Variants in LARGE1 observed in about 807,000 individuals in gnomAD.
The protein encoded by LARGE1 is xylosyl- and glucuronyltransferase LARGE1.
A neutral mutation model predicts 87.6 loss-of-function variants in LARGE1; 43 were observed. The ratio of observed to expected loss-of-function variants is 0.49; its 90% confidence interval spans 0.38 to 0.63. The LOEUF (loss-of-function observed/expected upper bound fraction) is 0.63. LARGE1 is among the 30% of genes least tolerant of loss of function. LARGE1 has a pLI of 0.00. For missense variants in LARGE1, 802 were observed against 1,000.2 expected, an observed-to-expected ratio of 0.80 and a Z score of 2.67; for synonymous variants, 434 against 394.6, an observed-to-expected ratio of 1.10 and a Z score of -1.18.
At chr22:33,328,419 A>G (rs1337180161) in intron 10 of LARGE1, among the ~76,000 whole-genome samples, 5 of 152,018 alleles carry the variant, frequency 3.3e-5, no homozygotes, top group Non-Finnish European at 7.4e-5. Flanking sequence ...AGCTCTATTA[A>G]AAATACAAAA....
At chr22:33,285,490 G>A (rs1475135582) in intron 12 of LARGE1, among the ~76,000 whole-genome samples, 1 of 152,052 alleles carries the variant, frequency 6.6e-6, no homozygotes, top group East Asian at 1.9e-4. Context: ...CGGGCGTGGT[G>A]GGGGGTGCTG....
At chr22:33,617,214 C>T (rs1229435482) in intron 4 of LARGE1, among the ~76,000 whole-genome samples, 2 of 152,206 alleles carry the variant, frequency 1.3e-5, no homozygotes, top group African/African-American at 4.8e-5. Flanking sequence ...GAAAGAACAT[C>T]CTATACTCAA....
intron 4 of LARGE1, among the ~76,000 whole-genome samples, chr22:33,614,869 C>A (rs564120740): frequency 6.6e-6 from 1 of 152,090 alleles, no homozygotes; most frequent in African/African-American, 2.4e-5. Flanking sequence ...ACAACCCCAG[C>A]GCTTAGAGAG....
At position 33,653,224 on chromosome 22, in the gene LARGE1, C is replaced by T. The variant is rs180672686; in HGVS notation, c.107-2556G>A. On this transcript the variant is annotated intron_variant, in intron 2 of 14. Transcript: ENST00000397394. ...GCTAGGTGGTTCATGCTGATAATGC[C>T]TTAGGTTGCTATCAGTACAATTAAG... Among the ~76,000 whole-genome samples the T allele has an allele frequency of 7.2e-5, 11 of 152,268 alleles. No individual in the cohort carries two copies. In the East Asian group the frequency reaches 2.1e-3, roughly 29 times the overall value.
At chr22:33,166,693 A>T in exon 12 of LARGE1, 1 of 468,680 alleles carries the variant, frequency 2.1e-6, no homozygotes, top group Non-Finnish European at 4.4e-6. Context: ...CCGTTCCAAC[A>T]TGCTGTAAAA....
At chr22:33,773,188 T>C (rs1306477119) in intron 1 of LARGE1, among the ~76,000 whole-genome samples, 1 of 152,206 alleles carries the variant, frequency 6.6e-6, no homozygotes, top group Non-Finnish European at 1.5e-5. Flanking sequence ...AGCATCTCTG[T>C]GGAATTTCCT....
intron 6 of LARGE1, among the ~76,000 whole-genome samples, chr22:33,470,984 T>C (rs953690884): frequency 3.3e-5 from 5 of 151,954 alleles, no homozygotes; most frequent in Admixed American, 6.6e-5. Flanking sequence ...AAATGACTTA[T>C]AAACGTTGTA....
intron 6 of LARGE1, among the ~76,000 whole-genome samples, chr22:33,449,193 G>A (rs147209755): frequency 3.3e-5 from 5 of 152,206 alleles, no homozygotes; most frequent in Admixed American, 6.5e-5. Context: ...CAAGCTGCCC[G>A]AGATCCAAGC....
At chr22:33,672,775 C>T (rs772324614) in intron 2 of LARGE1, among the ~76,000 whole-genome samples, 10 of 152,138 alleles carry the variant, frequency 6.6e-5, no homozygotes, top group Admixed American at 2.0e-4. Flanking sequence ...TAAAATACCC[C>T]AAATCATCTG....
intron 2 of LARGE1, among the ~76,000 whole-genome samples, chr22:33,662,578 C>T (rs773402913): frequency 2.0e-5 from 3 of 152,078 alleles, no homozygotes; most frequent in African/African-American, 4.8e-5. Context: ...ATAGTGGAAC[C>T]AGATGAGAGA....
chr22:33,412,404 G>T (rs1401643707), intron 7 of LARGE1, among the ~76,000 whole-genome samples: 1 of 151,902 alleles, frequency 6.6e-6, no homozygotes, highest in African/African-American at 2.4e-5. Flanking sequence ...CCATTTCCAG[G>T]TTGCAATAGT....
intron 11 of LARGE1, among the ~76,000 whole-genome samples, chr22:33,254,706 T>C (rs1175370448): frequency 6.6e-6 from 1 of 152,198 alleles, no homozygotes. Context: ...CTAGAAGAAG[T>C]AATGAAATAA....
At chr22:33,076,661 G>T in the LARGE1 span, among the ~76,000 whole-genome samples, 1 of 152,072 alleles carries the variant, frequency 6.6e-6, no homozygotes, top group African/African-American at 2.4e-5. Context: ...AAGGTAAAAG[G>T]GAAAGAGTTA....
intron 7 of LARGE1, among the ~76,000 whole-genome samples, chr22:33,394,132 C>T (rs943986324): frequency 5.4e-5 from 8 of 148,572 alleles, no homozygotes; most frequent in African/African-American, 2.0e-4. Flanking sequence ...GATGATAATA[C>T]CTACTATTTA....
chr22:33,614,651 C>T (rs1024429369), intron 4 of LARGE1, among the ~76,000 whole-genome samples: 3 of 152,294 alleles, frequency 2.0e-5, no homozygotes, highest in Middle Eastern at 6.8e-3. Context: ...CCCGGGGAAA[C>T]CTTCCACAGT....
chr22:33,328,472 C>G lies in LARGE1; in HGVS notation c.1287+9174G>C, dbSNP rs150533105. 8.8e-3 allele frequency among the ~76,000 whole-genome samples: 1,342 copies of G among 151,966 alleles called. 19 individuals carry two copies. The highest frequency in any genetic ancestry group is 0.03 in the African/African-American group (1,255 of 41,432). On this transcript the variant is annotated intron_variant, in intron 10 of 14. Coordinates refer to ENST00000397394, the MANE Select transcript of LARGE1 (RefSeq NM_133642.5). ...GCAGGTGCCTGTAATCCCAGCTACT[C>G]GAGAGGCTGAGGCAGAGAATTGCTT...
chr22:33,251,849 A>G (rs1424872892), intron 11 of LARGE1, among the ~76,000 whole-genome samples: 1 of 152,174 alleles, frequency 6.6e-6, no homozygotes, highest in East Asian at 1.9e-4. Context: ...AAGACTGACA[A>G]TTAGACAATA....
chr22:33,482,275 T>C (rs928563998), intron 6 of LARGE1, among the ~76,000 whole-genome samples: 1 of 152,218 alleles, frequency 6.6e-6, no homozygotes, highest in Non-Finnish European at 1.5e-5. Context: ...ATGGCTATAA[T>C]ATTAGCAAAG....
chr22:33,617,935 T>G (rs999928017), intron 4 of LARGE1, among the ~76,000 whole-genome samples: 3 of 152,224 alleles, frequency 2.0e-5, no homozygotes, highest in African/African-American at 7.2e-5. Context: ...CTTCCTGCCT[T>G]CCTTATTTTG....
Sources: allele counts gnomAD v4.1 joint callset (sites outside exome capture counted in the v4.1 genomes callset), GRCh38; gene constraint gnomAD v4.1.1; transcripts MANE v1.5; gene names NCBI Gene and HGNC (gene_info 2026-07-23, HGNC 2026-07-21).